The following SAMSN1 variants were observed in gnomAD, a reference collection of about 807,000 sequenced individuals.
SAMSN1 encodes SAM domain-containing protein SAMSN-1.
Under a neutral mutation model 42.0 loss-of-function variants are expected in SAMSN1, and 31 were observed. That is an observed-to-expected ratio of 0.74 (90% CI 0.55 to 1.00). SAMSN1 has a LOEUF of 1.00. Among genes scored for constraint, SAMSN1 ranks in the 50% least tolerant of loss-of-function variants. The pLI, the probability that SAMSN1 is intolerant of heterozygous loss-of-function variation, is 0.00. For synonymous variants in SAMSN1, 178 were observed against 151.9 expected, an observed-to-expected ratio of 1.17 and a Z score of -1.26; for missense variants, 464 against 439.4, an observed-to-expected ratio of 1.06 and a Z score of -0.50.
At chr21:14,573,191 C>G (rs1011937388) in intron 2 of SAMSN1, among the ~76,000 whole-genome samples, 2 of 152,130 alleles carry the variant, frequency 1.3e-5, no homozygotes, top group Non-Finnish European at 2.9e-5. Context: ...GCAGATGTCT[C>G]TCTCCAACCA....
At chr21:14,584,774 G>A (rs79188788), upstream of SAMSN1, among the ~76,000 whole-genome samples, 1,897 of 152,232 alleles carry the variant, frequency 0.012, 20 homozygotes, top group Admixed American at 0.032. Flanking sequence ...GTTTTCAAGA[G>A]GTGAATATTT....
rs147863332 is a variant in SAMSN1, at chr21:14,555,344, T to C, written c.261+26792A>G. 3.9e-5 allele frequency among the ~76,000 whole-genome samples: 6 copies of C among 152,356 alleles called. No individual in the cohort carries two copies. The East Asian group carries it at 1.2e-3, about 29-fold the overall frequency. On this transcript the variant is annotated intron_variant, in intron 2 of 8. Transcript: ENST00000285670. ...TTCTTGGTAAGTGTATGTAGCTATT[T>C]AAACAAAATCTAGTTTTGCCAACTA...
chr21:14,546,481 A>C, upstream of SAMSN1: 1 of 576,234 alleles, frequency 1.7e-6, no homozygotes, highest in Non-Finnish European at 2.7e-6. Flanking sequence ...GCTATTTTCT[A>C]TGAGGTATGT....
chr21:14,655,221 T>C (rs1382146481), intron 1 of SAMSN1, among the ~76,000 whole-genome samples: 1 of 151,732 alleles, frequency 6.6e-6, no homozygotes, highest in Non-Finnish European at 1.5e-5. Flanking sequence ...TCTAGACCTT[T>C]CATAAGAGAG....
intron 2 of SAMSN1, among the ~76,000 whole-genome samples, chr21:14,620,779 A>T (rs1217392679): frequency 6.6e-6 from 1 of 152,206 alleles, no homozygotes; most frequent in Non-Finnish European, 1.5e-5. Context: ...TATAGATGAC[A>T]TTTCTTATTA....
chr21:14,561,620 A>C (rs1224068313), intron 2 of SAMSN1, among the ~76,000 whole-genome samples: 1 of 152,156 alleles, frequency 6.6e-6, no homozygotes, highest in Admixed American at 6.5e-5. Flanking sequence ...ATGGCCAAAA[A>C]AGATATGTTG....
intron 2 of SAMSN1, among the ~76,000 whole-genome samples, chr21:14,518,565 GTAGTCA>G (rs1988023411): frequency 6.6e-6 from 1 of 152,104 alleles, no homozygotes; most frequent in African/African-American, 2.4e-5. Context: ...AGGTGGACAG[GTAGTCA>G]TTCACTGAAT....
At chr21:14,559,236 G>T (rs1015350037) in intron 2 of SAMSN1, among the ~76,000 whole-genome samples, 3 of 152,100 alleles carry the variant, frequency 2.0e-5, no homozygotes, top group Non-Finnish European at 4.4e-5. Context: ...GGTGCAATCA[G>T]TATGTCATGT....
intron 6 of SAMSN1, chr21:14,594,579 C>T (rs561927174): frequency 6.6e-6 from 1 of 152,348 alleles, no homozygotes; most frequent in South Asian, 2.1e-4. Flanking sequence ...TATCTCAAGT[C>T]ATAGTGTGGG....
intron 1 of SAMSN1, among the ~76,000 whole-genome samples, chr21:14,655,369 A>G (rs1983899767): frequency 6.6e-6 from 1 of 151,794 alleles, no homozygotes; most frequent in African/African-American, 2.4e-5. Flanking sequence ...AAAGAAAATG[A>G]TGGAATATTC....
At chr21:14,648,101 C>T (rs1313176175) in intron 1 of SAMSN1, among the ~76,000 whole-genome samples, 1 of 150,924 alleles carries the variant, frequency 6.6e-6, no homozygotes, top group Admixed American at 6.6e-5. Flanking sequence ...TTTGCCCATT[C>T]AGTATGATAT....
upstream of SAMSN1, among the ~76,000 whole-genome samples, chr21:14,548,041 G>T (rs1184502074): frequency 6.6e-6 from 1 of 152,044 alleles, no homozygotes; most frequent in Non-Finnish European, 1.5e-5. Flanking sequence ...TTTCAGTTTG[G>T]GCTTGGGTTA....
At chr21:14,621,501 C>T (rs1377840964) in intron 2 of SAMSN1, among the ~76,000 whole-genome samples, 1 of 152,180 alleles carries the variant, frequency 6.6e-6, no homozygotes, top group Non-Finnish European at 1.5e-5. Context: ...GATTATATCC[C>T]ACACCTGGCT....
chr21:14,557,866 A>G (rs1342281896), intron 2 of SAMSN1, among the ~76,000 whole-genome samples: 1 of 152,096 alleles, frequency 6.6e-6, no homozygotes, highest in Non-Finnish European at 1.5e-5. Context: ...CATCTGCGGG[A>G]AGTGCTTTTC....
chr21:14,531,473 CT>C (rs967064075), intron 1 of SAMSN1, among the ~76,000 whole-genome samples: 22 of 148,536 alleles, frequency 1.5e-4, no homozygotes, highest in African/African-American at 3.9e-4. Context: ...TAGATGTAAG[CT>C]TTTTTTTTTC....
rs550347587 is a variant in SAMSN1 at position 14,606,630 on chromosome 21, A to G, written c.322+2852T>C. On this transcript the variant is annotated intron_variant, in intron 5 of 15. Transcript: ENST00000647101. ...AAATTTAACAATTAACCTGAATTAT[A>G]GATTAATTTCTCCTCACACCTAAGC... 7.4e-4 allele frequency among the ~76,000 whole-genome samples: 113 copies of G among 152,336 alleles called. 2 individuals are homozygous for G. Among genetic ancestry groups the G allele is most frequent in the Non-Finnish European group, 6.5e-4 (44 of 68,008 alleles).
At chr21:14,589,157 T>C (rs1208425708) in intron 7 of SAMSN1, among the ~76,000 whole-genome samples, 1 of 152,154 alleles carries the variant, frequency 6.6e-6, no homozygotes, top group African/African-American at 2.4e-5. Context: ...GAAGATAGCA[T>C]CAATGAATTA....
At chr21:14,557,250 C>T (rs1458182945) in intron 2 of SAMSN1, among the ~76,000 whole-genome samples, 1 of 152,146 alleles carries the variant, frequency 6.6e-6, no homozygotes, top group African/African-American at 2.4e-5. Context: ...GACACCTGTC[C>T]TCTCCAAGTC....
intron 1 of SAMSN1, among the ~76,000 whole-genome samples, chr21:14,650,307 C>A (rs1230048855): frequency 2.0e-5 from 3 of 152,000 alleles, no homozygotes; most frequent in African/African-American, 7.2e-5. Flanking sequence ...AGTCTTAAAA[C>A]ATTAAATAAG....
Sources: allele counts gnomAD v4.1 joint callset (sites outside exome capture counted in the v4.1 genomes callset), GRCh38; gene constraint gnomAD v4.1.1; transcripts MANE v1.5; gene names NCBI Gene and HGNC (gene_info 2026-07-23, HGNC 2026-07-21).